The following SEMA6A variants were observed in gnomAD, a reference collection of about 807,000 sequenced individuals.
SEMA6A encodes the protein semaphorin 6A, also known as semaphorin-6A.
In SEMA6A, 25 loss-of-function variants were observed where a neutral mutation model predicts 96.8. The ratio of observed to expected loss-of-function variants is 0.26; its 90% CI spans 0.19 to 0.36. The LOEUF (loss-of-function observed/expected upper bound fraction) is 0.36. Ranked by LOEUF, SEMA6A falls within the 10% of genes least tolerant of loss-of-function variation. The pLI, the probability that SEMA6A is intolerant of heterozygous loss-of-function variation, is 1.00. For missense variants in SEMA6A, 1,363 were observed against 1,323.1 expected (o/e 1.03, Z -0.47); for synonymous variants, 612 against 518.0 (o/e 1.18, Z -2.46).
At chr5:116,506,364 T>C (rs1758146534) in intron 1 of SEMA6A, among the ~76,000 whole-genome samples, 1 of 152,208 alleles carries the variant, frequency 6.6e-6, no homozygotes, top group Non-Finnish European at 1.5e-5. Context: ...GCCTAAACAA[T>C]TCCATGTCTC....
At chr5:116,524,775 C>CACACACACACACAGACACACACACACAG (rs139692684) in intron 1 of SEMA6A, among the ~76,000 whole-genome samples, 51 of 145,650 alleles carry the variant, frequency 3.5e-4, no homozygotes, top group Middle Eastern at 3.4e-3. Context: ...TATGTATACA[C>CACACACACACACAGACACACACACACAG]ACACACACAC....
chr5:116,496,771 T>G (rs1014166779), intron 4 of SEMA6A, among the ~76,000 whole-genome samples: 1 of 152,230 alleles, frequency 6.6e-6, no homozygotes, highest in East Asian at 1.9e-4. Flanking sequence ...GGACAAAGAT[T>G]TAATTCAGGT....
intron 18 of SEMA6A, among the ~76,000 whole-genome samples, chr5:116,466,378 CAAAA>C (rs536164347): frequency 1.6e-5 from 1 of 63,934 alleles, no homozygotes. Context: ...GACTCCATCT[CAAAA>C]AAAAAAAAAA....
At chr5:116,550,558 G>C (rs2112883061) in intron 1 of SEMA6A, 1 of 152,258 alleles carries the variant, frequency 6.6e-6, no homozygotes, top group Non-Finnish European at 1.5e-5. Flanking sequence ...TCTTCTTTAA[G>C]TACCATTTTT....
At chr5:116,453,989 A>C (rs530027807) in intron 18 of SEMA6A, among the ~76,000 whole-genome samples, 30 of 152,324 alleles carry the variant, frequency 2.0e-4, no homozygotes, top group African/African-American at 6.7e-4. Context: ...CGTGTAAGAC[A>C]CAGGCAACCA....
chr5:116,562,310 A>G (rs1196586380), intron 1 of SEMA6A, among the ~76,000 whole-genome samples: 2 of 152,234 alleles, frequency 1.3e-5, no homozygotes, highest in South Asian at 2.1e-4. Flanking sequence ...TAGATGGGTT[A>G]TATGCTATTA....
chr5:116,476,105 G>A (rs1000879603), intron 15 of SEMA6A, among the ~76,000 whole-genome samples: 10 of 152,106 alleles, frequency 6.6e-5, no homozygotes, highest in South Asian at 4.1e-4. Flanking sequence ...GACAGGAGCC[G>A]GTGGTGCATT....
chr5:116,447,744 T>G lies in SEMA6A; in HGVS notation c.1962A>C (p.Ala654=). ...QLVPVTLLAI[A]VILAFVMGAV... is the part of the protein sequence containing the mutation. Reference sequence around the variant, plus strand: ...CCCCCATGACGAAAGCCAGGATGACTGCAATGGCCAAGAGGGTGACGGGAA... The same window carrying G: ...CCCCCATGACGAAAGCCAGGATGACGGCAATGGCCAAGAGGGTGACGGGAA... Residue 654 remains alanine, a synonymous_variant, in exon 19 of 19, where the codon GCA becomes GCC. Coordinates refer to ENST00000343348, the MANE Select transcript of SEMA6A (RefSeq NM_020796.5). 1.2e-6 allele frequency: 2 copies of G among 1,613,850 alleles called. No individual in the cohort carries two copies. Among genetic ancestry groups the G allele is most frequent in the South Asian group, 2.2e-5 (2 of 91,070 alleles).
intron 1 of SEMA6A, among the ~76,000 whole-genome samples, chr5:116,518,157 T>C (rs1036939907): frequency 6.6e-6 from 1 of 152,136 alleles, no homozygotes; most frequent in African/African-American, 2.4e-5. Flanking sequence ...ACAACTGTTA[T>C]CTTGGACAAC....
intron 1 of SEMA6A, among the ~76,000 whole-genome samples, chr5:116,571,385 G>A (rs1761205469): frequency 6.6e-6 from 1 of 152,210 alleles, no homozygotes. Context: ...GGTGATAGCT[G>A]CAAAACCTAA....
chr5:116,475,307 A>T (rs1756391329), intron 16 of SEMA6A, among the ~76,000 whole-genome samples: 1 of 152,128 alleles, frequency 6.6e-6, no homozygotes, highest in African/African-American at 2.4e-5. Flanking sequence ...TCTAGGGTGA[A>T]TTTTTTCCCC....
In SEMA6A at chr5:116,475,603, T is replaced by G; in HGVS notation, c.1650A>C (p.Arg550Ser). The change falls in exon 16 of 19, where the codon AGA (arginine) becomes AGC (serine). Residue 550 changes from arginine (R) to serine (S), a missense_variant and splice_region_variant. Around this residue, in one of 2 missense-constraint regions of SEMA6A, gnomAD observed 883 missense variants for 763.6 expected, o/e 1.16. Transcript: ENST00000343348. ...GACSHLSPNS[R>S]LTFEQDIERG... Reference sequence around the variant, plus strand: ...GCTCTATGTCCTGCTCAAAAGTCAGTCTTTTAAAAAAGGAAGGGAAAGAGA... The same window carrying G: ...GCTCTATGTCCTGCTCAAAAGTCAGGCTTTTAAAAAAGGAAGGGAAAGAGA... The G allele has an allele frequency of 7.5e-6, 12 of 1,597,408 alleles. No individual in the cohort carries two copies. Among genetic ancestry groups the G allele is most frequent in the Non-Finnish European group, 1.0e-5 (12 of 1,171,354 alleles).
At chr5:116,459,984 A>C (rs1755276066) in intron 18 of SEMA6A, among the ~76,000 whole-genome samples, 1 of 152,206 alleles carries the variant, frequency 6.6e-6, no homozygotes, top group Non-Finnish European at 1.5e-5. Flanking sequence ...TGAGATTGTC[A>C]GCATTATTAA....
At chr5:116,536,619 A>C (rs1418622050) in intron 1 of SEMA6A, among the ~76,000 whole-genome samples, 1 of 152,032 alleles carries the variant, frequency 6.6e-6, no homozygotes, top group Non-Finnish European at 1.5e-5. Flanking sequence ...ACAACAAAAA[A>C]CAACAACTGC....
chr5:116,542,082 A>G (rs1192311756), intron 1 of SEMA6A, among the ~76,000 whole-genome samples: 2 of 152,206 alleles, frequency 1.3e-5, no homozygotes, highest in Non-Finnish European at 2.9e-5. Flanking sequence ...GGGAACCATC[A>G]GGCATTTTGT....
chr5:116,487,330 C>G (rs1757104095), intron 9 of SEMA6A: 1 of 205,388 alleles, frequency 4.9e-6, no homozygotes, highest in African/African-American at 2.4e-5. Flanking sequence ...GGCCCTGAAT[C>G]TGTGCAAGCC....
At chr5:116,491,199 C>A (rs1276938477) in intron 7 of SEMA6A, among the ~76,000 whole-genome samples, 1 of 152,050 alleles carries the variant, frequency 6.6e-6, no homozygotes, top group African/African-American at 2.4e-5. Context: ...TGTTTCTTTC[C>A]CTTTCTTTTC....
At chr5:116,464,721 G>C (rs1234864993) in intron 18 of SEMA6A, among the ~76,000 whole-genome samples, 1 of 152,194 alleles carries the variant, frequency 6.6e-6, no homozygotes, top group Non-Finnish European at 1.5e-5. Flanking sequence ...GGACGCACAG[G>C]ATTAAATCAA....
rs757191747 is a variant in SEMA6A, at chr5:116,502,266, G to C, written c.162C>G (p.His54Gln). The C allele has an allele frequency of 5.0e-6, 8 of 1,613,866 alleles. No homozygotes were observed. In the Admixed American group the frequency reaches 6.7e-5, roughly 13 times the overall value. The change falls in exon 3 of 19, where the codon CAC becomes CAG. Residue 54 changes from histidine to glutamine, a missense_variant. Around this residue, in one of 2 missense-constraint regions of SEMA6A, gnomAD observed 480 missense variants for 559.5 expected, o/e 0.86. Transcript: ENST00000343348. ...TCATAATCATCTGGATGTCCAGCCT[G>C]TGCCTCTGTGTGGTGTTCCGTCCTG... ...HKPGRNTTQR[H>Q]RLDIQMIMIM...
Sources: allele counts gnomAD v4.1 joint callset (sites outside exome capture counted in the v4.1 genomes callset), GRCh38; gene constraint gnomAD v4.1.1; regional missense constraint gnomAD v4.1.1; transcripts MANE v1.5; gene names NCBI Gene and HGNC (gene_info 2026-07-23, HGNC 2026-07-21).